The following L3MBTL3 variants were observed in gnomAD, a reference collection of about 807,000 sequenced individuals.
L3MBTL3 encodes the protein L3MBTL histone methyl-lysine binding protein 3.
In L3MBTL3, 27 loss-of-function variants were observed where a neutral mutation model predicts 102.3. That is an observed-to-expected ratio of 0.26 (90% CI 0.19 to 0.36). The LOEUF (loss-of-function observed/expected upper bound fraction) is 0.36. Ranked by LOEUF, L3MBTL3 falls within the 10% of genes least tolerant of loss-of-function variation. The pLI is 1.00. For missense variants in L3MBTL3, 798 were observed against 955.3 expected, an observed-to-expected ratio of 0.84 and a Z score of 2.17; for synonymous variants, 340 against 320.9, an observed-to-expected ratio of 1.06 and a Z score of -0.64.
chr6:130,130,124 G>A (rs529069491), intron 20 of L3MBTL3, among the ~76,000 whole-genome samples: 5 of 152,096 alleles, frequency 3.3e-5, no homozygotes, highest in East Asian at 1.9e-4. Flanking sequence ...CCTATTTATC[G>A]TATCAGGCTT....
chr6:130,044,282 T>C (rs1018065499), intron 3 of L3MBTL3, among the ~76,000 whole-genome samples: 1 of 152,198 alleles, frequency 6.6e-6, no homozygotes. Context: ...TAGAGAACAC[T>C]TAACAAATTG....
intron 7 of L3MBTL3, among the ~76,000 whole-genome samples, chr6:130,054,732 AG>A (rs1562269808): frequency 6.6e-6 from 1 of 152,178 alleles, no homozygotes; most frequent in South Asian, 2.1e-4. Flanking sequence ...GGAGTAAGGA[AG>A]AGGAAGCTGA....
chr6:130,131,605 G>C (rs1787048856), intron 20 of L3MBTL3, among the ~76,000 whole-genome samples: 1 of 152,188 alleles, frequency 6.6e-6, no homozygotes, highest in African/African-American at 2.4e-5. Context: ...TCCAGAGAGT[G>C]AAGTGAGGAT....
intron 19 of L3MBTL3, among the ~76,000 whole-genome samples, chr6:130,115,023 T>G (rs772907896): frequency 2.3e-4 from 34 of 150,150 alleles, no homozygotes; most frequent in Non-Finnish European, 4.3e-4. Flanking sequence ...TGCGAGTAAG[T>G]CACAGCTCAG....
intron 20 of L3MBTL3, among the ~76,000 whole-genome samples, chr6:130,121,857 C>T (rs1189166716): frequency 6.6e-6 from 1 of 152,108 alleles, no homozygotes; most frequent in Non-Finnish European, 1.5e-5. Context: ...ACCAGCCTGG[C>T]CAACACGGTG....
chr6:130,139,496 C>G, intron 22 of L3MBTL3, 114 bp from the exon 23 acceptor site: 1 of 937,930 alleles, frequency 1.1e-6, no homozygotes, highest in Non-Finnish European at 1.7e-6. Context: ...GTGAACTTCT[C>G]TGTGCTTTTT....
At chr6:130,027,859 C>T (rs1381204911) in intron 2 of L3MBTL3, among the ~76,000 whole-genome samples, 1 of 151,968 alleles carries the variant, frequency 6.6e-6, no homozygotes, top group Non-Finnish European at 1.5e-5. Flanking sequence ...CTTTTTATGG[C>T]CCTTGAATCC....
rs1439437809 is a variant in L3MBTL3, at chr6:130,135,128, G to GAGT, written c.2199+1224_2199+1226dup. Among the ~76,000 whole-genome samples, 3 of 143,118 alleles carry GAGT rather than the reference G, an allele frequency of 2.1e-5. No individual in the cohort carries two copies. In the Admixed American group the frequency reaches 2.2e-4, roughly 10 times the overall value. 93.9% of individuals were successfully genotyped at this position (143,118 alleles called of 152,430 possible). On this transcript the variant is annotated intron_variant, in intron 22 of 22. Coordinates refer to ENST00000361794, the MANE Select transcript of L3MBTL3 (RefSeq NM_032438.4). ...AGTCTTGCTCTTCTCTCCTGGGCTA[G>GAGT]AGTGCTCACTGCAACCTCCGCCTCC...
chr6:130,069,967 A>G (rs1418980917), intron 12 of L3MBTL3, among the ~76,000 whole-genome samples: 4 of 152,210 alleles, frequency 2.6e-5, no homozygotes, highest in Non-Finnish European at 5.9e-5. Flanking sequence ...TTATTCTAAC[A>G]TTTTCAGATA....
In L3MBTL3 at chr6:130,051,372, A is replaced by G. The variant is rs41285300; in HGVS notation, c.413A>G (p.Tyr138Cys). ...GATGAGTGTCTTTCTGGAGGAAACT[A>G]TTGCAGCCAGAATTGTGCTCGGCAC... is the stretch of plus-strand genomic sequence containing the variant. ...NVDECLSGGN[Y>C]CSQNCARHIK... is the part of the protein sequence containing the mutation. The change falls in exon 6 of 23, where the codon TAT (tyrosine) becomes TGT (cysteine). Residue 138 changes from tyrosine to cysteine, a missense_variant. Physicochemically the swap from Tyr to Cys is radical, Grantham distance 194. Around this residue, in one of 4 missense-constraint regions of L3MBTL3, gnomAD observed 434 missense variants for 506.6 expected, o/e 0.86. Coordinates refer to ENST00000361794, the MANE Select transcript of L3MBTL3 (RefSeq NM_032438.4). 261 of 1,614,078 alleles carry G rather than the reference A, an allele frequency of 1.6e-4. No individual in the cohort carries two copies. In the East Asian group the frequency reaches 5.5e-3, roughly 34 times the overall value.
At chr6:130,090,180 G>T (rs1422724343) in intron 16 of L3MBTL3, among the ~76,000 whole-genome samples, 2 of 149,242 alleles carry the variant, frequency 1.3e-5, no homozygotes. Flanking sequence ...TCATTGCAAA[G>T]AACATTATTT....
At chr6:130,139,250 A>T (rs62433673) in intron 22 of L3MBTL3, among the ~76,000 whole-genome samples, 3,359 of 151,924 alleles carry the variant, frequency 0.022, 61 homozygotes, top group Non-Finnish European at 0.033. Context: ...TGTACCTGTT[A>T]TCTCTTCTAA....
At chr6:130,101,937 T>A (rs985370723) in intron 18 of L3MBTL3, among the ~76,000 whole-genome samples, 1 of 152,218 alleles carries the variant, frequency 6.6e-6, no homozygotes, top group African/African-American at 2.4e-5. Flanking sequence ...CGTCTGCCCA[T>A]GCTCATGGCG....
Position 130,042,723 on chromosome 6 carries a change from A to G in L3MBTL3, c.24A>G (p.Thr8=), listed in dbSNP as rs1413654951. 6.2e-7 allele frequency: 1 copy of G among 1,613,336 alleles called. No individual in the cohort carries two copies. Among genetic ancestry groups the G allele is most frequent in the Non-Finnish European group, 8.5e-7 (1 of 1,179,396 alleles). The change falls in exon 3 of 23, where the codon ACA becomes ACG. Residue 8 remains threonine, a synonymous_variant. Coordinates refer to ENST00000361794, the MANE Select transcript of L3MBTL3 (RefSeq NM_032438.4). The part of the protein sequence containing the change: MTESASS[T]SGQEFDVFSV... ...TCATGACTGAATCTGCCTCTAGCAC[A>G]AGTGGTCAAGAGTTTGATGTGTTCA...
At chr6:130,098,339 T>A (rs1299381335) in intron 18 of L3MBTL3, among the ~76,000 whole-genome samples, 1 of 152,112 alleles carries the variant, frequency 6.6e-6, no homozygotes, top group African/African-American at 2.4e-5. Context: ...CTGGGTTAGG[T>A]GAGGGACTGT....
chr6:130,139,020 G>A (rs1021686271), intron 22 of L3MBTL3, among the ~76,000 whole-genome samples: 3 of 152,156 alleles, frequency 2.0e-5, no homozygotes, highest in Non-Finnish European at 4.4e-5. Flanking sequence ...CCACCTTAAA[G>A]TCAGTGACTC....
intron 16 of L3MBTL3, among the ~76,000 whole-genome samples, chr6:130,089,439 G>T (rs1435981128): frequency 6.6e-6 from 1 of 151,102 alleles, no homozygotes; most frequent in Admixed American, 6.6e-5. Context: ...GTGTATATGT[G>T]CCACATTTTC....
At chr6:130,109,490 C>T (rs1032874037) in intron 19 of L3MBTL3, among the ~76,000 whole-genome samples, 2 of 152,190 alleles carry the variant, frequency 1.3e-5, no homozygotes, top group African/African-American at 4.8e-5. Flanking sequence ...TGTTTGTTGG[C>T]CACAAAATGT....
chr6:130,042,948 T>C, intron 3 of L3MBTL3, 147 bp downstream of exon 3: 1 of 534,912 alleles, frequency 1.9e-6, no homozygotes, highest in East Asian at 3.0e-5. Flanking sequence ...CACAATAAAT[T>C]TGCAAGACAA....
Sources: allele counts gnomAD v4.1 joint callset (sites outside exome capture counted in the v4.1 genomes callset), GRCh38; gene constraint gnomAD v4.1.1; regional missense constraint gnomAD v4.1.1; transcripts MANE v1.5; gene names NCBI Gene and HGNC (gene_info 2026-07-23, HGNC 2026-07-21).